The following NDUFS2 variants were observed in gnomAD, a reference collection of about 807,000 sequenced individuals.
The protein encoded by NDUFS2 is NADH:ubiquinone oxidoreductase core subunit S2.
Under a neutral mutation model 69.6 loss-of-function variants are expected in NDUFS2, and 38 were observed. The observed-to-expected ratio is 0.55, with a 90% CI of 0.42 to 0.72. The LOEUF is 0.72. NDUFS2 is among the 30% of genes least tolerant of loss of function. The pLI is 0.00. For missense variants in NDUFS2, 468 were observed against 595.0 expected (o/e 0.79, Z 2.22); for synonymous variants, 194 against 211.2 (o/e 0.92, Z 0.70).
upstream of NDUFS2, among the ~76,000 whole-genome samples, chr1:161,200,769 CTCTACTGCCCCTT>C (rs1665082458): frequency 6.6e-6 from 1 of 152,180 alleles, no homozygotes; most frequent in African/African-American, 2.4e-5. Flanking sequence ...CACCAGAGAA[CTCTACTGCCCCTT>C]TCCACTCCCC....
chr1:161,198,444 C>T (rs1343794855), upstream of NDUFS2: 9 of 1,582,086 alleles, frequency 5.7e-6, no homozygotes, highest in Middle Eastern at 1.7e-4. This position sits in a 1 kb window ranked among gnomAD's most constrained non-coding sequence, Gnocchi z 4.7. Flanking sequence ...TCTGGAAACA[C>T]GATCTCCTCC....
Position 161,203,481 on chromosome 1 carries a change from T to C in NDUFS2, c.140T>C (p.Phe47Ser). 1.2e-6 allele frequency: 2 copies of C among 1,614,118 alleles called. No individual in the cohort carries two copies. The highest frequency in any genetic ancestry group is 1.7e-6 in the Non-Finnish European group (2 of 1,180,000). The change falls in exon 2 of 14, where the codon TTT (phenylalanine) becomes TCT (serine). Residue 47 changes from phenylalanine (F) to serine (S), a missense_variant. Physicochemically the swap from Phe to Ser is radical, Grantham distance 155. This residue lies in a region of NDUFS2 where 339 missense variants were observed against 433.8 expected (regional missense o/e 0.78). Coordinates refer to ENST00000676972, the MANE Select transcript of NDUFS2 (RefSeq NM_001377299.1). ...CCAGATGTGGAATGGGCACAGCAGTTTGGGGGAGCTGTTATGTACCCAAGC... is the reference window on the plus strand; with the variant it reads ...CCAGATGTGGAATGGGCACAGCAGTCTGGGGGAGCTGTTATGTACCCAAGC... ...WQPDVEWAQQ[F>S]GGAVMYPSKE...
Position 161,213,856 on chromosome 1 carries a change from C to A in NDUFS2, c.1297-8C>A. On this transcript the variant is annotated splice_polypyrimidine_tract_variant and splice_region_variant and intron_variant, in intron 12 of 13. Transcript: ENST00000676972. ...TAACTAACATTGTTGCCATCTCAATCTCCCTAGGCTGGTTTGGACAAGATG... is the reference window on the plus strand; with the variant it reads ...TAACTAACATTGTTGCCATCTCAATATCCCTAGGCTGGTTTGGACAAGATG... 1 of 1,614,208 alleles carries A rather than the reference C, an allele frequency of 6.2e-7. No homozygotes were observed. The highest frequency in any genetic ancestry group is 8.5e-7 in the Non-Finnish European group (1 of 1,180,010).
At chr1:161,202,160 G>A (rs1571598592), upstream of NDUFS2, 2 of 596,416 alleles carry the variant, frequency 3.4e-6, no homozygotes, top group East Asian at 5.8e-5. Flanking sequence ...AGCCAGCCAG[G>A]AGCTGTGGGA....
chr1:161,198,169 T>G, upstream of NDUFS2: 1 of 1,614,042 alleles, frequency 6.2e-7, no homozygotes, highest in Non-Finnish European at 8.5e-7. This position sits in a 1 kb window ranked among gnomAD's most constrained non-coding sequence, Gnocchi z 4.7. Flanking sequence ...CCCGATATTG[T>G]AACACGCCTA....
At chr1:161,203,915 A>G (rs1665316145) in intron 2 of NDUFS2, 1 of 343,998 alleles carries the variant, frequency 2.9e-6, no homozygotes, top group African/African-American at 2.1e-5. Context: ...GCTGATTTCT[A>G]AGTGCTCTTG....
At chr1:161,198,388 C>T, upstream of NDUFS2, 2 of 1,611,666 alleles carry the variant, frequency 1.2e-6, no homozygotes, top group Non-Finnish European at 1.7e-6. This position sits in a 1 kb window ranked among gnomAD's most constrained non-coding sequence, Gnocchi z 4.7. Context: ...GGCACAACAG[C>T]CTGGCAGGGG....
At chr1:161,200,689 A>T (rs957957653), upstream of NDUFS2, among the ~76,000 whole-genome samples, 3 of 152,118 alleles carry the variant, frequency 2.0e-5, no homozygotes, top group African/African-American at 7.2e-5. Flanking sequence ...GTTCTAAGCC[A>T]ACGGGGCTGG....
intron 2 of NDUFS2, among the ~76,000 whole-genome samples, chr1:161,204,237 A>G (rs996972347): frequency 6.6e-5 from 10 of 152,116 alleles, no homozygotes; most frequent in African/African-American, 1.7e-4. Context: ...TTTTTTTCCT[A>G]TCAAAACTAG....
chr1:161,201,649 G>A (rs1665126408), upstream of NDUFS2, among the ~76,000 whole-genome samples: 1 of 152,142 alleles, frequency 6.6e-6, no homozygotes, highest in African/African-American at 2.4e-5. Context: ...ATCTCTAAGG[G>A]CGCTTCCTGG....
chr1:161,202,124 A>G, upstream of NDUFS2: 1 of 553,122 alleles, frequency 1.8e-6, no homozygotes, highest in Non-Finnish European at 3.3e-6. Context: ...CAGGAACGGC[A>G]ATTTTCCCTT....
chr1:161,213,238 T>C, intron 10 of NDUFS2, 142 bp from the exon 11 acceptor site: 1 of 687,150 alleles, frequency 1.5e-6, no homozygotes. Flanking sequence ...AGCTCTCCTG[T>C]TTTATTCTGT....
At chr1:161,204,510 G>A (rs139907832) in intron 2 of NDUFS2, among the ~76,000 whole-genome samples, 138 of 152,138 alleles carry the variant, frequency 9.1e-4, no homozygotes, top group African/African-American at 3.1e-3. Flanking sequence ...AGTTTTTGCC[G>A]CTGATGTTGT....
At chr1:161,198,773 C>G (rs968294183), upstream of NDUFS2, 3 of 721,936 alleles carry the variant, frequency 4.2e-6, no homozygotes, top group South Asian at 7.2e-5. The surrounding 1 kb of genome is among the most constrained non-coding windows in gnomAD (Gnocchi z 4.7). Context: ...GGCTGAGGAC[C>G]GTTAAAGGAA....
At position 161,210,363 on chromosome 1, in the gene NDUFS2, A is replaced by G. The variant is rs1665705127; in HGVS notation, c.840A>G (p.Ala280=). The G allele has an allele frequency of 4.3e-6, 7 of 1,614,020 alleles. No individual in the cohort carries two copies. The highest frequency in any genetic ancestry group is 5.9e-6 in the Non-Finnish European group (7 of 1,179,942). Residue 280 remains alanine (A), a synonymous_variant, in exon 8 of 14, where the codon GCA becomes GCG. Transcript: ENST00000676972. The stretch of plus-strand genomic sequence containing the variant: ...CAATTGACATTGGGGTTGTAACAGC[A>G]GAAGAAGCACTTAACTATGGTTTTA... The part of the protein sequence containing the change: ...NRTIDIGVVT[A]EEALNYGFSG...
chr1:161,212,301 A>C, intron 9 of NDUFS2, 50 bp from the exon 10 acceptor site: 1 of 1,611,598 alleles, frequency 6.2e-7, no homozygotes, highest in Non-Finnish European at 8.5e-7. Context: ...TCCTAGCCCC[A>C]TACCTGCTCC....
upstream of NDUFS2, chr1:161,202,266 C>T (rs1455987415): frequency 1.5e-5 from 15 of 989,284 alleles, no homozygotes; most frequent in Non-Finnish European, 2.2e-5. Flanking sequence ...CGACGGTAAA[C>T]GACCCTGCCA....
chr1:161,198,526 C>T, upstream of NDUFS2: 1 of 1,567,220 alleles, frequency 6.4e-7, no homozygotes. This position sits in a 1 kb window ranked among gnomAD's most constrained non-coding sequence, Gnocchi z 4.7. Context: ...GCAGCCACAC[C>T]AGCCAGGAGA....
At position 161,210,309 on chromosome 1, in the gene NDUFS2, G is replaced by T. The variant is rs1180264713; in HGVS notation, c.786G>T (p.Leu262=). 1 of 1,613,840 alleles carries T rather than the reference G, an allele frequency of 6.2e-7. No homozygotes were observed. Among genetic ancestry groups the T allele is most frequent in the South Asian group, 1.1e-5 (1 of 91,072 alleles). Residue 262 remains leucine, a synonymous_variant, in exon 8 of 14, where the codon CTG becomes CTT. Transcript: ENST00000676972. The part of the protein sequence containing the change: ...SLRLDELEEL[L]TNNRIWRNRT... ...CCAGTTTTCTTGATCAATAGTTGCTGACCAACAATAGGATCTGGCGAAATC... is the reference window on the plus strand; with the variant it reads ...CCAGTTTTCTTGATCAATAGTTGCTTACCAACAATAGGATCTGGCGAAATC...
Sources: allele counts gnomAD v4.1 joint callset (sites outside exome capture counted in the v4.1 genomes callset), GRCh38; gene constraint gnomAD v4.1.1; regional missense constraint gnomAD v4.1.1; non-coding constraint Gnocchi (gnomAD v3.1); transcripts MANE v1.5; gene names NCBI Gene and HGNC (gene_info 2026-07-23, HGNC 2026-07-21).